SRD5A1: variants seen among roughly 807,000 people sequenced by gnomAD.
SRD5A1 encodes the protein steroid 5 alpha-reductase 1.
In SRD5A1, 22 loss-of-function variants were observed where a neutral mutation model predicts 28.2. The observed-to-expected ratio is 0.78, with a 90% CI of 0.56 to 1.12. The LOEUF (loss-of-function observed/expected upper bound fraction) is 1.12, where lower values mean the gene tolerates loss of function less well. Among genes scored for constraint, SRD5A1 ranks in the 50% most tolerant of loss-of-function variants. SRD5A1 has a pLI of 0.00. For missense variants in SRD5A1, 300 were observed against 346.7 expected, an observed-to-expected ratio of 0.87 and a Z score of 1.07; for synonymous variants, 151 against 135.0, an observed-to-expected ratio of 1.12 and a Z score of -0.82.
In SRD5A1 at chr5:6,639,751, C is replaced by G. The variant is rs554156711; in HGVS notation, c.293+5882C>G. On this transcript the variant is annotated intron_variant, in intron 1 of 4. Coordinates refer to ENST00000274192, the MANE Select transcript of SRD5A1 (RefSeq NM_001047.4). ...TCTGTCTGTTCTGAATGTTAGGTGCCAGGACTTAAGATACTTGTCAATATT... is the reference window on the plus strand; with the variant it reads ...TCTGTCTGTTCTGAATGTTAGGTGCGAGGACTTAAGATACTTGTCAATATT... Among the ~76,000 whole-genome samples the G allele has an allele frequency of 5.9e-5, 9 of 152,208 alleles. No homozygotes were observed. The East Asian group carries it at 1.7e-3, about 29-fold the overall frequency.
Position 6,651,949 on chromosome 5 carries a change from A to T in SRD5A1, c.401A>T (p.Tyr134Phe). Residue 134 changes from tyrosine to phenylalanine, a missense_variant, in exon 2 of 5, where the codon TAC (tyrosine) becomes TTC (phenylalanine). Tyr to Phe is a conservative substitution (Grantham distance 22). Coordinates refer to ENST00000274192, the MANE Select transcript of SRD5A1 (RefSeq NM_001047.4). ...TGTAACGGCTATTTGCAAAGCAGATACTTGAGCCATTGTGCAGTGTATGCT... is the reference window on the plus strand; with the variant it reads ...TGTAACGGCTATTTGCAAAGCAGATTCTTGAGCCATTGTGCAGTGTATGCT... ...CTCNGYLQSRYLSHCAVYADD... is the reference protein window; with the variant it reads ...CTCNGYLQSRFLSHCAVYADD... 6.2e-7 allele frequency: 1 copy of T among 1,614,190 alleles called. No homozygotes were observed. The highest frequency in any genetic ancestry group is 1.1e-5 in the South Asian group (1 of 91,082).
chr5:6,639,348 C>T (rs946958781), intron 1 of SRD5A1, among the ~76,000 whole-genome samples: 21 of 152,182 alleles, frequency 1.4e-4, no homozygotes, highest in Non-Finnish European at 3.1e-4. Context: ...CAGGTCCCAT[C>T]GAGCATATGA....
rs2126518821 is a variant in SRD5A1 at position 6,633,786 on chromosome 5, G to C, written c.210G>C (p.Gln70His). The change falls in exon 1 of 5, where the codon CAG becomes CAC. Residue 70 changes from glutamine to histidine, a missense_variant. Gln to His is a conservative substitution (Grantham distance 24). Coordinates refer to ENST00000274192, the MANE Select transcript of SRD5A1 (RefSeq NM_001047.4). ...ELPSLALPLY[Q>H]YASESAPRLR... ...CCTCGCTGGCCCTGCCGCTCTACCAGTACGCCAGCGAGTCCGCCCCGCGTC... is the reference window on the plus strand; with the variant it reads ...CCTCGCTGGCCCTGCCGCTCTACCACTACGCCAGCGAGTCCGCCCCGCGTC... 1 of 1,597,748 alleles carries C rather than the reference G, an allele frequency of 6.3e-7. No homozygotes were observed. The highest frequency in any genetic ancestry group is 8.5e-7 in the Non-Finnish European group (1 of 1,179,636).
At chr5:6,640,555 G>C (rs75981939) in intron 1 of SRD5A1, among the ~76,000 whole-genome samples, 11 of 149,016 alleles carry the variant, frequency 7.4e-5, no homozygotes, top group Non-Finnish European at 1.5e-4. Context: ...CAATTGAGAT[G>C]GGGTCTCCCA....
intron 1 of SRD5A1, among the ~76,000 whole-genome samples, chr5:6,650,885 T>C (rs914983314): frequency 1.7e-4 from 24 of 144,950 alleles, no homozygotes; most frequent in Non-Finnish European, 3.4e-4. Context: ...TGAGTGAGAA[T>C]ATGCGGTGTT....
At chr5:6,644,938 T>A (rs893570458) in intron 1 of SRD5A1, 48 of 455,904 alleles carry the variant, frequency 1.1e-4, no homozygotes, top group African/African-American at 8.4e-4. Flanking sequence ...GTTGTTCTTA[T>A]TCATTGCTTG....
In SRD5A1 at chr5:6,659,112, A is replaced by G. The variant is rs562575715; in HGVS notation, c.562+2933A>G. On this transcript the variant is annotated intron_variant, in intron 3 of 4. Transcript: ENST00000274192. Reference sequence around the variant, plus strand: ...AGAGGGAGACCCTGTCTCAAAAAAAAAAATCTTTTTTTTTTTTTTGAGACG... The same window carrying G: ...AGAGGGAGACCCTGTCTCAAAAAAAGAAATCTTTTTTTTTTTTTTGAGACG... Among the ~76,000 whole-genome samples, 636 of 151,288 alleles carry G rather than the reference A, an allele frequency of 4.2e-3. 4 individuals carry two copies. Among genetic ancestry groups the G allele is most frequent in the African/African-American group, 0.015 (605 of 40,930 alleles).
intron 1 of SRD5A1, among the ~76,000 whole-genome samples, chr5:6,637,224 G>A (rs1024338810): frequency 4.6e-5 from 7 of 152,072 alleles, no homozygotes; most frequent in Admixed American, 1.3e-4. Context: ...AGGGCCTTCC[G>A]AAGCCTGTGC....
chr5:6,662,085 C>T (rs1379295291), intron 3 of SRD5A1, among the ~76,000 whole-genome samples: 2 of 152,150 alleles, frequency 1.3e-5, no homozygotes, highest in Admixed American at 6.5e-5. Flanking sequence ...CTGTCTGCCT[C>T]AGGGCCTTTG....
chr5:6,652,053 T>A, intron 2 of SRD5A1, 45 bp downstream of exon 2: 1 of 1,555,958 alleles, frequency 6.4e-7, no homozygotes, highest in Non-Finnish European at 8.8e-7. Flanking sequence ...ACATCATTGC[T>A]TTTATATTGA....
At chr5:6,645,836 AT>A (rs111575871) in intron 1 of SRD5A1, among the ~76,000 whole-genome samples, 1 of 150,898 alleles carries the variant, frequency 6.6e-6, no homozygotes, top group Non-Finnish European at 1.5e-5. Context: ...TTCACAATCT[AT>A]TTTTTTTTAT....
At position 6,633,677 on chromosome 5, in the gene SRD5A1, C is replaced by T. The variant is rs1481353502; in HGVS notation, c.101C>T (p.Thr34Met). ...GCAVFARNRQ[T>M]NSVYGRHALP... is the part of the protein sequence containing the mutation. Reference sequence around the variant, plus strand: ...GCGGTCTTCGCGCGCAATCGTCAGACGAACTCAGTGTACGGCCGCCACGCG... The same window carrying T: ...GCGGTCTTCGCGCGCAATCGTCAGATGAACTCAGTGTACGGCCGCCACGCG... Residue 34 changes from threonine (T) to methionine (M), a missense_variant, in exon 1 of 5, where the codon ACG (threonine) becomes ATG (methionine). This residue lies in a region of SRD5A1 where 174 missense variants were observed against 160.9 expected (regional missense o/e 1.08). Coordinates refer to ENST00000274192, the MANE Select transcript of SRD5A1 (RefSeq NM_001047.4). 1.3e-6 allele frequency: 2 copies of T among 1,585,578 alleles called. No homozygotes were observed. Among genetic ancestry groups the T allele is most frequent in the Non-Finnish European group, 1.7e-6 (2 of 1,173,560 alleles).
At chr5:6,652,488 T>G (rs1488663455) in intron 2 of SRD5A1, among the ~76,000 whole-genome samples, 2 of 152,212 alleles carry the variant, frequency 1.3e-5, no homozygotes, top group Non-Finnish European at 2.9e-5. Context: ...TGTGAATTAA[T>G]GTACATTTTC....
At chr5:6,654,733 A>G (rs1283231636) in intron 2 of SRD5A1, among the ~76,000 whole-genome samples, 1 of 152,226 alleles carries the variant, frequency 6.6e-6, no homozygotes, top group Non-Finnish European at 1.5e-5. Flanking sequence ...ATGCCCAGCC[A>G]GATTTTAAGA....
intron 3 of SRD5A1, among the ~76,000 whole-genome samples, chr5:6,658,962 A>T (rs1738911202): frequency 6.6e-6 from 1 of 151,892 alleles, no homozygotes; most frequent in Admixed American, 6.6e-5. Context: ...AAAAATTGAA[A>T]GAAAATTAGC....
Position 6,640,208 on chromosome 5 carries a change from G to A in SRD5A1, c.293+6339G>A, listed in dbSNP as rs8192158. Among the ~76,000 whole-genome samples, 655 of 152,230 alleles carry A rather than the reference G, an allele frequency of 4.3e-3. 4 individuals are homozygous for A. The highest frequency in any genetic ancestry group is 0.015 in the African/African-American group (623 of 41,532). ...TCACCATATTCCTGTGAGCTTCCACGTTCTGATCTGTAAAATAGGGATAAT... is the reference window on the plus strand; with the variant it reads ...TCACCATATTCCTGTGAGCTTCCACATTCTGATCTGTAAAATAGGGATAAT... On this transcript the variant is annotated intron_variant, in intron 1 of 4. Transcript: ENST00000274192.
At chr5:6,640,773 C>A (rs547288543) in intron 1 of SRD5A1, among the ~76,000 whole-genome samples, 2 of 152,334 alleles carry the variant, frequency 1.3e-5, no homozygotes, top group South Asian at 2.1e-4. Flanking sequence ...CAAACAGAAT[C>A]TCTGTGTAGC....
chr5:6,638,325 A>T (rs1738260193), intron 1 of SRD5A1, among the ~76,000 whole-genome samples: 1 of 152,236 alleles, frequency 6.6e-6, no homozygotes, highest in African/African-American at 2.4e-5. Context: ...AAAAGAAGTC[A>T]TAGCGTTTTT....
chr5:6,655,448 C>T (rs1451625437), intron 2 of SRD5A1, among the ~76,000 whole-genome samples: 1 of 152,216 alleles, frequency 6.6e-6, no homozygotes, highest in African/African-American at 2.4e-5. Context: ...ATGCAGGCGG[C>T]CACGGGAGAC....
Sources: gnomAD v4.1 joint callset for allele counts (sites outside exome capture counted in the v4.1 genomes callset) on GRCh38, gnomAD v4.1.1 for gene constraint, gnomAD v4.1.1 regional missense constraint, MANE v1.5 for transcripts, NCBI Gene and HGNC (gene_info 2026-07-23, HGNC 2026-07-21) for gene names.